Variants in SGMS1 observed in about 807,000 individuals in gnomAD.
SGMS1 encodes sphingomyelin synthase 1, also known as phosphatidylcholine:ceramide cholinephosphotransferase 1.
A neutral mutation model predicts 46.2 loss-of-function variants in SGMS1; 13 were observed. The observed-to-expected ratio is 0.28, with a 90% CI of 0.18 to 0.45. The LOEUF is 0.45. SGMS1 is among the 20% of genes least tolerant of loss of function. SGMS1 has a pLI of 1.00. For missense variants in SGMS1, 324 were observed against 519.9 expected (o/e 0.62, Z 3.66); for synonymous variants, 203 against 187.8 (o/e 1.08, Z -0.66).
At position 50,343,952 on chromosome 10, in the gene SGMS1, C is replaced by G; in HGVS notation, c.163G>C (p.Asp55His). The change falls in exon 7 of 11, where the codon GAC (aspartate) becomes CAC (histidine). Residue 55 changes from aspartate (D) to histidine (H), a missense_variant. This residue lies in a region of SGMS1 where 150 missense variants were observed against 169.8 expected (regional missense o/e 0.88). Coordinates refer to ENST00000361781, the MANE Select transcript of SGMS1 (RefSeq NM_147156.4). Reference sequence around the variant, plus strand: ...ATGTCCAGGAGCCGCTGCCCATTGTCAGAGGAGACTCGGCACAAGGGGGGT... The same window carrying G: ...ATGTCCAGGAGCCGCTGCCCATTGTGAGAGGAGACTCGGCACAAGGGGGGT... Reference protein sequence around the residue: ...KKPPLCRVSSDNGQRLLDMIE... With the variant: ...KKPPLCRVSSHNGQRLLDMIE... The G allele has an allele frequency of 6.2e-7, 1 of 1,614,148 alleles. No individual in the cohort carries two copies. Among genetic ancestry groups the G allele is most frequent in the Non-Finnish European group, 8.5e-7 (1 of 1,180,032 alleles).
chr10:50,602,838 G>A (rs546004010), intron 1 of SGMS1, among the ~76,000 whole-genome samples: 2 of 152,154 alleles, frequency 1.3e-5, no homozygotes, highest in East Asian at 3.8e-4. Context: ...ACTCTCTGTG[G>A]AAAGAACTGC....
intron 3 of SGMS1, among the ~76,000 whole-genome samples, chr10:50,467,156 G>T (rs1433191329): frequency 6.6e-6 from 1 of 151,834 alleles, no homozygotes; most frequent in African/African-American, 2.4e-5. Context: ...CAAATCCAAT[G>T]CCAATAAAAA....
chr10:50,604,826 CA>C (rs1016821693), intron 1 of SGMS1, among the ~76,000 whole-genome samples: 1 of 146,032 alleles, frequency 6.8e-6, no homozygotes. Flanking sequence ...AGACAGACTC[CA>C]AAAAAATGAC....
chr10:50,422,326 G>A (rs1344898893), intron 6 of SGMS1, among the ~76,000 whole-genome samples: 4 of 152,070 alleles, frequency 2.6e-5, no homozygotes, highest in African/African-American at 7.2e-5. Context: ...AAAAGAAAAC[G>A]TTCCCTTTGA....
At chr10:50,625,095 G>T (rs777597478), upstream of SGMS1, 127 of 985,428 alleles carry the variant, frequency 1.3e-4, 1 homozygote, top group Admixed American at 1.8e-4. Context: ...TCGCCTTGGG[G>T]TATAGGAGTC....
At chr10:50,506,560 A>G (rs896832113) in intron 3 of SGMS1, among the ~76,000 whole-genome samples, 6 of 152,178 alleles carry the variant, frequency 3.9e-5, no homozygotes, top group African/African-American at 1.4e-4. Flanking sequence ...GCTCAGTTTC[A>G]TTTCATATTA....
chr10:50,569,456 G>A (rs898149292), intron 2 of SGMS1, among the ~76,000 whole-genome samples: 6 of 152,070 alleles, frequency 3.9e-5, no homozygotes, highest in African/African-American at 1.4e-4. Flanking sequence ...TAAACCAGTT[G>A]TTAGGTTCTC....
intron 6 of SGMS1, among the ~76,000 whole-genome samples, chr10:50,376,471 T>A (rs1431410136): frequency 2.0e-5 from 3 of 152,202 alleles, no homozygotes; most frequent in African/African-American, 7.2e-5. Context: ...CTAGGGTACA[T>A]GTGCACAACG....
At chr10:50,621,191 C>CA (rs79330135) in intron 1 of SGMS1, among the ~76,000 whole-genome samples, 21,467 of 151,048 alleles carry the variant, frequency 0.14, 1,792 homozygotes, top group Non-Finnish European at 0.21. Flanking sequence ...GAAAAACAAA[C>CA]AAAAAAAAAC....
intron 6 of SGMS1, among the ~76,000 whole-genome samples, chr10:50,400,397 ATATATATATATAT>A (rs1386540629): frequency 0.064 from 18 of 282 alleles, 2 homozygotes; most frequent in Non-Finnish European, 0.017. Context: ...ACATCCTGGC[ATATATATATATAT>A]ATATATATAT....
chr10:50,358,932 A>G (rs1207551014), intron 6 of SGMS1, among the ~76,000 whole-genome samples: 1 of 152,214 alleles, frequency 6.6e-6, no homozygotes, highest in Middle Eastern at 3.2e-3. Context: ...TTTCAGCTGA[A>G]GGACCTACAC....
intron 8 of SGMS1, among the ~76,000 whole-genome samples, chr10:50,319,962 T>C (rs1257782674): frequency 1.3e-5 from 2 of 152,252 alleles, no homozygotes; most frequent in African/African-American, 4.8e-5. Context: ...GAATTATTAC[T>C]GTAGTGGTTG....
intron 3 of SGMS1, among the ~76,000 whole-genome samples, chr10:50,489,586 C>T (rs1376683924): frequency 1.3e-5 from 2 of 152,204 alleles, no homozygotes; most frequent in East Asian, 1.9e-4. Context: ...AAAATAGCCA[C>T]GAACTTGTTC....
At chr10:50,382,992 T>C (rs932274296) in intron 6 of SGMS1, among the ~76,000 whole-genome samples, 53 of 152,328 alleles carry the variant, frequency 3.5e-4, no homozygotes, top group Middle Eastern at 3.4e-3. Flanking sequence ...AAGGAAGTTA[T>C]TAACTTCAGG....
chr10:50,624,983 C>G (rs752542416), upstream of SGMS1: 2 of 1,036,088 alleles, frequency 1.9e-6, no homozygotes, highest in Non-Finnish European at 2.3e-6. Flanking sequence ...CGCGGGCGCT[C>G]GGAACCGACC....
At chr10:50,602,838 G>C (rs546004010) in intron 1 of SGMS1, among the ~76,000 whole-genome samples, 9 of 152,272 alleles carry the variant, frequency 5.9e-5, no homozygotes, top group African/African-American at 2.2e-4. Flanking sequence ...ACTCTCTGTG[G>C]AAAGAACTGC....
intron 6 of SGMS1, among the ~76,000 whole-genome samples, chr10:50,431,853 C>G (rs1849407542): frequency 2.0e-5 from 3 of 152,146 alleles, no homozygotes; most frequent in Admixed American, 2.0e-4. Context: ...AATGACTGAT[C>G]GCCAATACTA....
intron 9 of SGMS1, among the ~76,000 whole-genome samples, chr10:50,309,156 A>G (rs1847217516): frequency 6.6e-6 from 1 of 152,136 alleles, no homozygotes; most frequent in Non-Finnish European, 1.5e-5. Flanking sequence ...GATAAGGGGG[A>G]TCAGAAGTAT....
intron 6 of SGMS1, among the ~76,000 whole-genome samples, chr10:50,397,056 A>G (rs1057094427): frequency 6.6e-6 from 1 of 152,150 alleles, no homozygotes. Context: ...GTAAGATCAA[A>G]AGCAAAAAAA....
Sources: gnomAD v4.1 joint callset for allele counts (sites outside exome capture counted in the v4.1 genomes callset) on GRCh38, gnomAD v4.1.1 for gene constraint, gnomAD v4.1.1 regional missense constraint, MANE v1.5 for transcripts, NCBI Gene and HGNC (gene_info 2026-07-23, HGNC 2026-07-21) for gene names.